The following DPF1 variants were observed in gnomAD, a reference collection of about 807,000 sequenced individuals.
DPF1 encodes double PHD fingers 1, also known as zinc finger protein neuro-d4.
In DPF1, 14 loss-of-function variants were observed where a neutral mutation model predicts 58.7. The ratio of observed to expected loss-of-function variants is 0.24; its 90% confidence interval spans 0.16 to 0.37. The LOEUF (loss-of-function observed/expected upper bound fraction) is 0.37. DPF1 is among the 10% of genes least tolerant of loss of function. The pLI is 1.00. For missense variants in DPF1, 345 were observed against 529.9 expected, an observed-to-expected ratio of 0.65 and a Z score of 3.43; for synonymous variants, 216 against 216.0, an observed-to-expected ratio of 1.00 and a Z score of 0.00.
At position 38,217,582 on chromosome 19, in the gene DPF1, T is replaced by C. The variant is rs1967122587; in HGVS notation, c.605A>G (p.Lys202Arg). The C allele has an allele frequency of 6.5e-7, 1 of 1,549,764 alleles. No homozygotes were observed. The highest frequency in any genetic ancestry group is 1.4e-5 in the African/African-American group (1 of 72,960). The change falls in exon 7 of 12, where the codon AAA (lysine) becomes AGA (arginine). Residue 202 changes from lysine (K) to arginine (R), a missense_variant. Lys to Arg is a conservative substitution (Grantham distance 26, BLOSUM62 2). Coordinates refer to ENST00000355526, the MANE Select transcript of DPF1 (RefSeq NM_001135155.3). ...GAGCCCCGGCCGGTTCTTATACCGTTTCCCACAGACTGGGGAGCGAGCGAG... is the reference window on the plus strand; with the variant it reads ...GAGCCCCGGCCGGTTCTTATACCGTCTCCCACAGACTGGGGAGCGAGCGAG... ...DKPYVCDICG[K>R]RYKNRPGLSY...
chr19:38,213,604 G>A, intron 10 of DPF1, 40 bp downstream of exon 10: 2 of 1,573,726 alleles, frequency 1.3e-6, no homozygotes, highest in Non-Finnish European at 1.7e-6. Flanking sequence ...GTGCCAGGCG[G>A]GGCGGGCAGC....
At chr19:38,227,544 A>G (rs1015788094), upstream of DPF1, among the ~76,000 whole-genome samples, 3 of 152,038 alleles carry the variant, frequency 2.0e-5, no homozygotes, top group Admixed American at 6.6e-5. Flanking sequence ...CCATCCCCCA[A>G]TGCCCTGTGT....
rs571442300 is a variant in DPF1, at chr19:38,211,972, C to T, written c.*91G>A. 6.9e-7 allele frequency: 1 copy of T among 1,440,894 alleles called. No individual in the cohort carries two copies. Among genetic ancestry groups the T allele is most frequent in the Non-Finnish European group, 9.5e-7 (1 of 1,048,020 alleles). The allele number at this position is 1,440,894 out of a possible 1,614,324, so 89.3% of individuals were successfully genotyped here. On this transcript the variant is annotated 3_prime_UTR_variant, in exon 12 of 12. Transcript: ENST00000355526. This position sits in a 1 kb window ranked among gnomAD's most constrained non-coding sequence, Gnocchi z 4.0. ...CTCGGCTTCCCCCTCTCCCCCTCCC[C>T]CTGCGGGATGTTCAGGGTGGGGGAG...
In DPF1 at chr19:38,229,488, C is replaced by T. The variant is rs1050515647; in HGVS notation, c.-132+71G>A. 5.3e-6 allele frequency: 5 copies of T among 949,734 alleles called. No individual in the cohort carries two copies. The African/African-American group carries it at 8.7e-5, about 17-fold the overall frequency. 58.8% of individuals were successfully genotyped at this position (949,734 alleles called of 1,614,324 possible). ...GCGCGCTGCGTCCCCCTCCTCAGCCCCAGGGCGGGCGGGGGAAGGGCTCCT... is the reference window on the plus strand; with the variant it reads ...GCGCGCTGCGTCCCCCTCCTCAGCCTCAGGGCGGGCGGGGGAAGGGCTCCT... On this transcript the variant is annotated intron_variant, in intron 1 of 11. Coordinates refer to the DPF1 transcript ENST00000412732. This position sits in a 1 kb window ranked among gnomAD's most constrained non-coding sequence, Gnocchi z 5.3.
In DPF1 at chr19:38,217,837, C is replaced by G. The variant is rs145138452; in HGVS notation, c.556G>C (p.Ala186Pro). 6.8e-6 allele frequency: 11 copies of G among 1,613,976 alleles called. No individual in the cohort carries two copies. The African/African-American group carries it at 1.5e-4, about 22-fold the overall frequency. Reference sequence around the variant, plus strand: ...GGCTTGTCTCGGTCCTCCAGGGAAGCGGTGTCCTGGCGTTTCCGGAGACCC... The same window carrying G: ...GGCTTGTCTCGGTCCTCCAGGGAAGGGGTGTCCTGGCGTTTCCGGAGACCC... ...IGGLRKRQDTASLEDRDKPYV... is the reference protein window; with the variant it reads ...IGGLRKRQDTPSLEDRDKPYV... Residue 186 changes from alanine (A) to proline (P), a missense_variant, in exon 6 of 12, where the codon GCT (alanine) becomes CCT (proline). Physicochemically the swap from Ala to Pro is conservative, Grantham distance 27 (BLOSUM62 -1). Transcript: ENST00000355526.
chr19:38,217,231 AAAC>A (rs1008922245), intron 7 of DPF1, among the ~76,000 whole-genome samples: 16 of 152,038 alleles, frequency 1.1e-4, no homozygotes, highest in African/African-American at 3.4e-4. Flanking sequence ...GCTCTAATTG[AAAC>A]AATAAATCAG....
chr19:38,217,885 A>T lies in DPF1; in HGVS notation c.517-9T>A, dbSNP rs1967154531. 6.2e-7 allele frequency: 1 copy of T among 1,613,448 alleles called. No individual in the cohort carries two copies. Among genetic ancestry groups the T allele is most frequent in the Non-Finnish European group, 8.5e-7 (1 of 1,179,768 alleles). ...CCCCCGATGCCATATGCCTGTGGGG[A>T]GAGTCAGGAGTGAGGGGCCAAGAAA... is the stretch of plus-strand genomic sequence containing the variant. On this transcript the variant is annotated splice_polypyrimidine_tract_variant and intron_variant, in intron 5 of 11. Transcript: ENST00000355526.
intron 7 of DPF1, 83 bp downstream of exon 7, chr19:38,217,377 G>GCCCT: frequency 1.3e-6 from 1 of 774,482 alleles, no homozygotes; most frequent in South Asian, 1.6e-5. Flanking sequence ...AATGTCTAAT[G>GCCCT]CCCCCCCACC....
chr19:38,218,684 C>CG, intron 4 of DPF1, 22 bp from the exon 5 acceptor site: 2 of 1,613,666 alleles, frequency 1.2e-6, no homozygotes, highest in Non-Finnish European at 1.7e-6. Flanking sequence ...AGAAAGGAGA[C>CG]GGGTCAAGAA....
chr19:38,223,951 T>A (rs1309588100), intron 1 of DPF1, 163 bp downstream of exon 1: 2 of 962,410 alleles, frequency 2.1e-6, no homozygotes, highest in Non-Finnish European at 2.7e-6. Context: ...GACACCATTC[T>A]TGTCAGAGAC....
Position 38,218,983 on chromosome 19 carries a change from G to C in DPF1, c.374C>G (p.Thr125Arg), listed in dbSNP as rs368544567. The change falls in exon 4 of 12, where the codon ACG (threonine) becomes AGG (arginine). Residue 125 changes from threonine to arginine, a missense_variant. Transcript: ENST00000355526. ...CTTCAGCTCAATCTTCTTCTCCCCC[G>C]TCTCTGCACACAGTAGAGCCTCGAG... ...PVLEALLCAE[T>R]GEKKIELKEE... The C allele has an allele frequency of 6.2e-7, 1 of 1,614,050 alleles. No homozygotes were observed. Among genetic ancestry groups the C allele is most frequent in the South Asian group, 1.1e-5 (1 of 91,094 alleles).
In DPF1 at chr19:38,211,909, T is replaced by G; in HGVS notation, c.*154A>C. ...GCCCACCCACCCACAGGGCAGACAT[T>G]CCACTTGCACAGAGGGGAGGGGGTG... On this transcript the variant is annotated 3_prime_UTR_variant, in exon 12 of 12. Coordinates refer to ENST00000355526, the MANE Select transcript of DPF1 (RefSeq NM_001135155.3). This position sits in a 1 kb window ranked among gnomAD's most constrained non-coding sequence, Gnocchi z 4.0. 2.5e-6 allele frequency: 2 copies of G among 788,836 alleles called. No individual in the cohort carries two copies. The highest frequency in any genetic ancestry group is 4.0e-6 in the Non-Finnish European group (2 of 500,174). 48.9% of individuals were successfully genotyped at this position (788,836 alleles called of 1,614,324 possible).
At chr19:38,219,379 T>A in intron 3 of DPF1, 1 of 344,240 alleles carries the variant, frequency 2.9e-6, no homozygotes, top group South Asian at 3.8e-5. Context: ...CAGACAAATA[T>A]GGACAGATCC....
rs1037554838 is a variant in DPF1 at position 38,222,358 on chromosome 19, G to A, written c.297C>T (p.Ile99=). 3.1e-6 allele frequency: 5 copies of A among 1,589,898 alleles called. No homozygotes were observed. Among genetic ancestry groups the A allele is most frequent in the Admixed American group, 1.9e-5 (1 of 52,416 alleles). ...DPRLRPCEYK[I]DCEAPLKKEG... ...GGGGGCCCCAGCGGCTGCACCCACC[G>A]ATCTTGTACTCGCAGGGCCTGAGTC... The change falls in exon 3 of 12, where the codon ATC becomes ATT. Residue 99 remains isoleucine, a splice_region_variant and synonymous_variant. Coordinates refer to ENST00000355526, the MANE Select transcript of DPF1 (RefSeq NM_001135155.3). This position sits in a 1 kb window ranked among gnomAD's most constrained non-coding sequence, Gnocchi z 4.9.
upstream of DPF1, among the ~76,000 whole-genome samples, chr19:38,225,602 A>AC (rs1967784069): frequency 1.3e-5 from 2 of 149,612 alleles, no homozygotes; most frequent in Admixed American, 6.6e-5. Flanking sequence ...AAACAAACAA[A>AC]AAACTAAGTA....
intron 7 of DPF1, among the ~76,000 whole-genome samples, chr19:38,217,134 A>T (rs1453467861): frequency 6.6e-6 from 1 of 152,064 alleles, no homozygotes; most frequent in East Asian, 1.9e-4. Context: ...CAGGCCACAG[A>T]CCCTGCCCCT....
At chr19:38,227,007 TTCCTTCCTTC>T (rs1568325290), upstream of DPF1, among the ~76,000 whole-genome samples, 5 of 135,470 alleles carry the variant, frequency 3.7e-5, no homozygotes, top group Non-Finnish European at 6.2e-5. Context: ...CCTTCCTTCC[TTCCTTCCTTC>T]CTTCCTTCCT....
intron 9 of DPF1, among the ~76,000 whole-genome samples, chr19:38,215,169 T>C (rs572490799): frequency 1.5e-4 from 22 of 151,658 alleles, no homozygotes; most frequent in African/African-American, 4.4e-4. Context: ...GCTCTCATTA[T>C]GTTGCCCTGG....
At chr19:38,213,878 G>T in intron 9 of DPF1, 122 bp from the exon 10 acceptor site, 1 of 782,602 alleles carries the variant, frequency 1.3e-6, no homozygotes. Flanking sequence ...GAGCTGCCGG[G>T]ATCCACAGCC....
Sources: gnomAD v4.1 joint callset for allele counts (sites outside exome capture counted in the v4.1 genomes callset) on GRCh38, gnomAD v4.1.1 for gene constraint, Gnocchi (gnomAD v3.1) non-coding constraint, MANE v1.5 for transcripts, NCBI Gene and HGNC (gene_info 2026-07-23, HGNC 2026-07-21) for gene names.